NR5A1: variants seen among roughly 807,000 people sequenced by gnomAD.
The protein encoded by NR5A1 is nuclear receptor subfamily 5 group A member 1, also known as steroidogenic factor 1.
A neutral mutation model predicts 42.7 loss-of-function variants in NR5A1; 6 were observed. The ratio of observed to expected loss-of-function variants is 0.14; its 90% CI spans 0.08 to 0.28. The LOEUF is 0.28. Ranked by LOEUF, NR5A1 falls within the 10% of genes least tolerant of loss-of-function variation. NR5A1 has a pLI of 1.00. For synonymous variants in NR5A1, 274 were observed against 277.5 expected, an observed-to-expected ratio of 0.99 and a Z score of 0.12; for missense variants, 442 against 626.4, an observed-to-expected ratio of 0.71 and a Z score of 3.14.
intron 6 of NR5A1, among the ~76,000 whole-genome samples, chr9:124,485,613 C>G (rs948935513): frequency 6.6e-6 from 1 of 152,210 alleles, no homozygotes; most frequent in Non-Finnish European, 1.5e-5. Context: ...CACCACTAAC[C>G]CTGAAGGCAC....
At chr9:124,495,829 C>T (rs1232366336) in intron 4 of NR5A1, among the ~76,000 whole-genome samples, 1 of 152,188 alleles carries the variant, frequency 6.6e-6, no homozygotes. Flanking sequence ...GGCAGCCCTG[C>T]CCAGTGAGGC....
chr9:124,499,593 C>T lies in NR5A1; in HGVS notation c.870+497G>A, dbSNP rs567229749. On this transcript the variant is annotated intron_variant, in intron 4 of 6. Coordinates refer to ENST00000373588, the MANE Select transcript of NR5A1 (RefSeq NM_004959.5). ...TGTGACACTGCCAATCCTTGCCAGC[C>T]TCCCTGAATGGGAGGACAGGATGGG... Among the ~76,000 whole-genome samples, 5 of 152,308 alleles carry T rather than the reference C, an allele frequency of 3.3e-5. No individual in the cohort carries two copies. In the South Asian group the frequency reaches 8.3e-4, roughly 25 times the overall value.
chr9:124,489,404 C>T (rs542378772), intron 6 of NR5A1, among the ~76,000 whole-genome samples: 3 of 152,358 alleles, frequency 2.0e-5, no homozygotes, highest in East Asian at 1.9e-4. Context: ...CCAGATCTCC[C>T]GGTCCATCCC....
rs1352903496 is a variant in NR5A1 at position 124,500,114 on chromosome 9, C to T, written c.846G>A (p.Arg282=). ...CCTCCAGCTCCTTGAAGACCATGCA[C>T]CTGCGTGCCCAGTCCACGATGGAGA... ...TFISIVDWAR[R]CMVFKELEVA... is the part of the protein sequence containing the mutation. The change falls in exon 4 of 7, where the codon AGG becomes AGA. Residue 282 remains arginine (R), a synonymous_variant. Coordinates refer to ENST00000373588, the MANE Select transcript of NR5A1 (RefSeq NM_004959.5). This position sits in a 1 kb window ranked among gnomAD's most constrained non-coding sequence, Gnocchi z 6.9. 1.2e-6 allele frequency: 2 copies of T among 1,613,130 alleles called. No individual in the cohort carries two copies. Among genetic ancestry groups the T allele is most frequent in the Non-Finnish European group, 1.7e-6 (2 of 1,180,032 alleles).
intron 5 of NR5A1, among the ~76,000 whole-genome samples, chr9:124,491,477 C>G (rs543342716): frequency 6.6e-6 from 1 of 152,196 alleles, no homozygotes; most frequent in Non-Finnish European, 1.5e-5. Context: ...CACCCACGTT[C>G]TGCCCGCGTC....
In NR5A1 at chr9:124,503,065, C is replaced by A; in HGVS notation, c.244+14G>T. 1.3e-6 allele frequency: 2 copies of A among 1,561,310 alleles called. No individual in the cohort carries two copies. Among genetic ancestry groups the A allele is most frequent in the East Asian group, 2.3e-5 (1 of 42,568 alleles). On this transcript the variant is annotated intron_variant, in intron 3 of 6. Coordinates refer to ENST00000373588, the MANE Select transcript of NR5A1 (RefSeq NM_004959.5). This position sits in a 1 kb window ranked among gnomAD's most constrained non-coding sequence, Gnocchi z 9.6. The stretch of plus-strand genomic sequence containing the variant: ...CTGTGGGGGGTCAGGGGTCGAGGCC[C>A]GCGCGGCGCGCACCTTCCAGGCGCA...
intron 1 of NR5A1, among the ~76,000 whole-genome samples, chr9:124,505,756 C>T: frequency 6.6e-6 from 1 of 152,222 alleles, no homozygotes; most frequent in Non-Finnish European, 1.5e-5. Context: ...CCCCGCTGCT[C>T]CCCTCGGAGC....
At position 124,482,528 on chromosome 9, in the gene NR5A1, A is replaced by C. The variant is rs981611957; in HGVS notation, c.*230T>G. On this transcript the variant is annotated 3_prime_UTR_variant, in exon 7 of 7. Transcript: ENST00000373588. ...GCCACCTCCTTGGGGCACTCCAAGC[A>C]GCAGGCAAGTGCCAGTGGCCACTCC... 1.5e-5 allele frequency: 9 copies of C among 591,952 alleles called. No individual in the cohort carries two copies. The Admixed American group carries it at 2.6e-4, about 17-fold the overall frequency. The allele number at this position is 591,952 out of a possible 1,614,324, so 36.7% of individuals were successfully genotyped here.
intron 6 of NR5A1, among the ~76,000 whole-genome samples, 182 bp downstream of exon 6, chr9:124,490,899 C>T (rs1015163304): frequency 1.3e-5 from 2 of 152,246 alleles, no homozygotes; most frequent in East Asian, 1.9e-4. Context: ...ATTTAAGAGC[C>T]AGGCCCTGGC....
chr9:124,494,032 C>G (rs1444272021), intron 4 of NR5A1, among the ~76,000 whole-genome samples: 1 of 152,232 alleles, frequency 6.6e-6, no homozygotes, highest in Non-Finnish European at 1.5e-5. Flanking sequence ...GGTCCACAAT[C>G]TCCACTGTGA....
rs535366007 is a variant in NR5A1 at position 124,493,174 on chromosome 9, G to A, written c.871-25C>T. 22 of 1,603,640 alleles carry A rather than the reference G, an allele frequency of 1.4e-5. No homozygotes were observed. In the African/African-American group the frequency reaches 2.0e-4, roughly 15 times the overall value. ...CCTGGAAGGAAGAGGCACGCGGGGG[G>A]CCGGGCTCCAGCCAGGGTCCAGGGA... On this transcript the variant is annotated intron_variant, in intron 4 of 6. Coordinates refer to ENST00000373588, the MANE Select transcript of NR5A1 (RefSeq NM_004959.5).
intron 6 of NR5A1, 64 bp downstream of exon 6, chr9:124,491,015 TCA>T: frequency 1.6e-6 from 1 of 634,816 alleles, no homozygotes; most frequent in Non-Finnish European, 2.8e-6. Flanking sequence ...CTCTCCAGCC[TCA>T]CCCACCCTCC....
rs1179806474 is a variant in NR5A1, at chr9:124,503,699, C to T, written c.-15-289G>A. On this transcript the variant is annotated intron_variant, in intron 1 of 6. Transcript: ENST00000373588. The surrounding 1 kb of genome is among the most constrained non-coding windows in gnomAD (Gnocchi z 9.6). ...TGGGGCCCTCGGGTTCGATGCGCTT[C>T]GATTGGGATTCGTTTGTCTGAGAAC... is the stretch of plus-strand genomic sequence containing the variant. Among the ~76,000 whole-genome samples the T allele has an allele frequency of 6.6e-6, 1 of 152,200 alleles. No individual in the cohort carries two copies. Among genetic ancestry groups the T allele is most frequent in the Non-Finnish European group, 1.5e-5 (1 of 68,018 alleles).
chr9:124,500,790 C>T lies in NR5A1; in HGVS notation c.245-75G>A, dbSNP rs1832460084. 1.7e-5 allele frequency: 27 copies of T among 1,607,190 alleles called. No individual in the cohort carries two copies. The South Asian group carries it at 2.7e-4, about 16-fold the overall frequency. ...ATGCTGCCCCACCACAGATCCTTTC[C>T]AAACAAATCTGACCGCTCTCTCCCC... is the stretch of plus-strand genomic sequence containing the variant. On this transcript the variant is annotated intron_variant, in intron 3 of 6. Coordinates refer to ENST00000373588, the MANE Select transcript of NR5A1 (RefSeq NM_004959.5). This position sits in a 1 kb window ranked among gnomAD's most constrained non-coding sequence, Gnocchi z 6.9.
At chr9:124,486,010 G>A (rs1832202153) in intron 6 of NR5A1, among the ~76,000 whole-genome samples, 1 of 152,158 alleles carries the variant, frequency 6.6e-6, no homozygotes, top group African/African-American at 2.4e-5. Context: ...ACCGCAGTAG[G>A]GGCAGGGGCG....
At chr9:124,488,832 G>T (rs1385983082) in intron 6 of NR5A1, among the ~76,000 whole-genome samples, 3 of 152,332 alleles carry the variant, frequency 2.0e-5, no homozygotes, top group African/African-American at 7.2e-5. Flanking sequence ...TTTCCTAAGC[G>T]CTGTGCCACC....
intron 5 of NR5A1, among the ~76,000 whole-genome samples, chr9:124,491,432 G>A (rs1012183351): frequency 1.3e-5 from 2 of 152,062 alleles, no homozygotes; most frequent in African/African-American, 2.4e-5. Flanking sequence ...CCACCCTTCC[G>A]AGCTCTCCTC....
chr9:124,500,057 T>G lies in NR5A1; in HGVS notation c.870+33A>C. 9 of 1,613,030 alleles carry G rather than the reference T, an allele frequency of 5.6e-6. No individual in the cohort carries two copies. Among genetic ancestry groups the G allele is most frequent in the Non-Finnish European group, 7.6e-6 (9 of 1,180,020 alleles). ...GCTTGGGCAGCCGGGAGGACCATGA[T>G]GCAGGGCCAGCCGGGCGGGAGGAGA... On this transcript the variant is annotated intron_variant, in intron 4 of 6. Coordinates refer to ENST00000373588, the MANE Select transcript of NR5A1 (RefSeq NM_004959.5). The surrounding 1 kb of genome is among the most constrained non-coding windows in gnomAD (Gnocchi z 6.9).
Position 124,500,042 on chromosome 9 carries a change from C to G in NR5A1, c.870+48G>C, listed in dbSNP as rs1832441212. 1 of 1,612,810 alleles carries G rather than the reference C, an allele frequency of 6.2e-7. No homozygotes were observed. Among genetic ancestry groups the G allele is most frequent in the Non-Finnish European group, 8.5e-7 (1 of 1,179,874 alleles). ...GACAGTCGGGCTAAGGCTTGGGCAG[C>G]CGGGAGGACCATGATGCAGGGCCAG... On this transcript the variant is annotated intron_variant, in intron 4 of 6. Transcript: ENST00000373588. The surrounding 1 kb of genome is among the most constrained non-coding windows in gnomAD (Gnocchi z 6.9).
Sources: allele counts gnomAD v4.1 joint callset (sites outside exome capture counted in the v4.1 genomes callset), GRCh38; gene constraint gnomAD v4.1.1; non-coding constraint Gnocchi (gnomAD v3.1); transcripts MANE v1.5; gene names NCBI Gene and HGNC (gene_info 2026-07-23, HGNC 2026-07-21).